Variants in HS6ST3 observed in about 807,000 individuals in gnomAD.
HS6ST3 encodes heparan-sulfate 6-O-sulfotransferase 3.
Under a neutral mutation model 36.7 loss-of-function variants are expected in HS6ST3, and 12 were observed. The observed-to-expected ratio is 0.33, with a 90% CI of 0.21 to 0.53. The LOEUF is 0.53. Among genes scored for constraint, HS6ST3 ranks in the 20% least tolerant of loss-of-function variants. The pLI, the probability that HS6ST3 is intolerant of heterozygous loss-of-function variation, is 0.95. For synonymous variants in HS6ST3, 240 were observed against 257.5 expected (o/e 0.93, Z 0.65); for missense variants, 584 against 640.9 (o/e 0.91, Z 0.96).
chr13:96,799,185 C>T (rs955255610), intron 1 of HS6ST3, among the ~76,000 whole-genome samples: 53 of 152,256 alleles, frequency 3.5e-4, no homozygotes, highest in African/African-American at 1.2e-3. Context: ...GGAATTGCCA[C>T]ACTGACTTCC....
intron 1 of HS6ST3, among the ~76,000 whole-genome samples, chr13:96,538,252 G>A (rs1430890352): frequency 6.6e-6 from 1 of 152,224 alleles, no homozygotes; most frequent in Admixed American, 6.5e-5. Context: ...AGTAGAATAT[G>A]TGAATAATTT....
chr13:96,441,287 A>G (rs1282384055), intron 1 of HS6ST3, among the ~76,000 whole-genome samples: 1 of 151,488 alleles, frequency 6.6e-6, no homozygotes, highest in African/African-American at 2.4e-5. Context: ...ATTTGAATAT[A>G]CTTTTTTTTT....
chr13:96,144,435 A>G (rs1227602057), intron 1 of HS6ST3, among the ~76,000 whole-genome samples: 3 of 152,022 alleles, frequency 2.0e-5, no homozygotes, highest in Admixed American at 6.6e-5. Flanking sequence ...ACTTTTATTC[A>G]ATGCATAGGA....
intron 1 of HS6ST3, among the ~76,000 whole-genome samples, chr13:96,196,581 C>T (rs2054315303): frequency 6.6e-6 from 1 of 152,080 alleles, no homozygotes; most frequent in Admixed American, 6.5e-5. Flanking sequence ...CTTTGCTGTG[C>T]TTTGAGGAGC....
At chr13:96,152,272 T>G (rs547464525) in intron 1 of HS6ST3, among the ~76,000 whole-genome samples, 23 of 152,100 alleles carry the variant, frequency 1.5e-4, no homozygotes, top group Non-Finnish European at 2.5e-4. Context: ...GTTGAGACTG[T>G]TTCTAGCTGA....
intron 1 of HS6ST3, among the ~76,000 whole-genome samples, chr13:96,262,732 G>C (rs544138863): frequency 4.3e-4 from 65 of 152,150 alleles, no homozygotes; most frequent in African/African-American, 1.3e-3. Flanking sequence ...TTTCAAGAAA[G>C]GATGTCTCTT....
intron 1 of HS6ST3, among the ~76,000 whole-genome samples, chr13:96,393,036 A>G (rs1015583186): frequency 3.9e-5 from 6 of 152,098 alleles, no homozygotes; most frequent in Admixed American, 1.3e-4. Flanking sequence ...TACCGTTTCC[A>G]TGATAGTAAC....
At chr13:96,804,089 G>C (rs1878143759) in intron 1 of HS6ST3, among the ~76,000 whole-genome samples, 1 of 151,832 alleles carries the variant, frequency 6.6e-6, no homozygotes, top group South Asian at 2.1e-4. Context: ...TGTACACCAA[G>C]GCAGTGGAGC....
intron 1 of HS6ST3, among the ~76,000 whole-genome samples, chr13:96,457,576 GA>G (rs141473173): frequency 0.011 from 1,692 of 151,952 alleles, 31 homozygotes; most frequent in African/African-American, 0.039. Context: ...TGATAGCCAT[GA>G]AAAAAAATTG....
chr13:96,801,502 G>A (rs1878068926), intron 1 of HS6ST3, among the ~76,000 whole-genome samples: 1 of 151,960 alleles, frequency 6.6e-6, no homozygotes, highest in African/African-American at 2.4e-5. Context: ...TGTCAGGGTT[G>A]CCTTTATATA....
At position 96,715,638 on chromosome 13, in the gene HS6ST3, C is replaced by A. The variant is rs139335304; in HGVS notation, c.708-116852C>A. Among the ~76,000 whole-genome samples the A allele has an allele frequency of 9.3e-3, 1,417 of 152,198 alleles. 18 individuals are homozygous for A. Among genetic ancestry groups the A allele is most frequent in the Admixed American group, 0.032 (482 of 15,280 alleles). On this transcript the variant is annotated intron_variant, in intron 1 of 1. Transcript: ENST00000376705. ...TTAACCACCCTTAGGTTTCTTCTAG[C>A]AGTTTCTCCCCTATCTCTAGTTAAG...
chr13:96,331,309 T>C (rs2055065773), intron 1 of HS6ST3, among the ~76,000 whole-genome samples: 3 of 151,828 alleles, frequency 2.0e-5, no homozygotes, highest in Non-Finnish European at 4.4e-5. Flanking sequence ...ATCTTTGTGG[T>C]TTTATCTACT....
At chr13:96,542,183 G>C (rs1444099682) in intron 1 of HS6ST3, among the ~76,000 whole-genome samples, 1 of 152,160 alleles carries the variant, frequency 6.6e-6, no homozygotes, top group Non-Finnish European at 1.5e-5. Flanking sequence ...AACAACACAT[G>C]ACCAGTTACT....
intron 1 of HS6ST3, among the ~76,000 whole-genome samples, chr13:96,504,543 A>G (rs902051083): frequency 6.6e-6 from 1 of 152,126 alleles, no homozygotes; most frequent in African/African-American, 2.4e-5. Flanking sequence ...GGCAGGCACA[A>G]AAAGAAAATA....
At chr13:96,661,390 T>TA in intron 1 of HS6ST3, among the ~76,000 whole-genome samples, 1 of 152,288 alleles carries the variant, frequency 6.6e-6, no homozygotes, top group African/African-American at 2.4e-5. Context: ...GTCTTTTTTT[T>TA]AACAGTTATT....
chr13:96,351,260 G>C (rs2055182037), intron 1 of HS6ST3, among the ~76,000 whole-genome samples: 1 of 151,238 alleles, frequency 6.6e-6, no homozygotes, highest in Non-Finnish European at 1.5e-5. Flanking sequence ...TAGAGGTTAT[G>C]AGGTTATAAA....
intron 1 of HS6ST3, among the ~76,000 whole-genome samples, chr13:96,648,549 T>C (rs2056596920): frequency 6.6e-6 from 1 of 151,950 alleles, no homozygotes; most frequent in South Asian, 2.1e-4. Flanking sequence ...GTTTGTTACC[T>C]AGGTAAACGT....
chr13:96,755,595 C>A (rs1321929636), intron 1 of HS6ST3, among the ~76,000 whole-genome samples: 4 of 152,136 alleles, frequency 2.6e-5, no homozygotes, highest in Non-Finnish European at 5.9e-5. Flanking sequence ...GAACTCCTGA[C>A]CTTGTGATCC....
At chr13:96,499,652 G>C (rs1378132153) in intron 1 of HS6ST3, among the ~76,000 whole-genome samples, 1 of 152,182 alleles carries the variant, frequency 6.6e-6, no homozygotes, top group African/African-American at 2.4e-5. Flanking sequence ...GGCTTTCTGG[G>C]ATGATCACTT....
Sources: allele counts gnomAD v4.1 joint callset (sites outside exome capture counted in the v4.1 genomes callset), GRCh38; gene constraint gnomAD v4.1.1; transcripts MANE v1.5; gene names NCBI Gene and HGNC (gene_info 2026-07-23, HGNC 2026-07-21).